The following SCN9A variants were observed in gnomAD, a reference collection of about 807,000 sequenced individuals.
SCN9A encodes sodium channel protein type 9 subunit alpha.
Under a neutral mutation model 187.0 loss-of-function variants are expected in SCN9A, and 131 were observed. The ratio of observed to expected loss-of-function variants is 0.70; its 90% CI spans 0.61 to 0.81. The LOEUF is 0.81. Ranked by LOEUF, SCN9A falls within the 30% of genes least tolerant of loss-of-function variation. SCN9A has a pLI of 0.00. For synonymous variants in SCN9A, 809 were observed against 808.6 expected (o/e 1.00, Z -0.01); for missense variants, 2,252 against 2,396.6 (o/e 0.94, Z 1.26).
At chr2:166,239,780 G>A (rs1036876991) in intron 19 of SCN9A, among the ~76,000 whole-genome samples, 20 of 152,118 alleles carry the variant, frequency 1.3e-4, no homozygotes, top group African/African-American at 4.1e-4. Flanking sequence ...TCTAGAACTG[G>A]TGTACAGGGT....
Position 166,289,837 on chromosome 2 carries a change from T to A in SCN9A, c.1108-1194A>T, listed in dbSNP as rs898121617. On this transcript the variant is annotated intron_variant, in intron 9 of 26. Transcript: ENST00000642356. Reference sequence around the variant, plus strand: ...TCTGACTTTTTAATTATCACCATTCTAACTGGCATGAGATGGTATCTCATT... The same window carrying A: ...TCTGACTTTTTAATTATCACCATTCAAACTGGCATGAGATGGTATCTCATT... Among the ~76,000 whole-genome samples, 3 of 152,330 alleles carry A rather than the reference T, an allele frequency of 2.0e-5. No individual in the cohort carries two copies. In the East Asian group the frequency reaches 5.8e-4, roughly 29 times the overall value.
intron 1 of SCN9A, among the ~76,000 whole-genome samples, chr2:166,348,075 T>G (rs1250292293): frequency 6.6e-6 from 1 of 152,192 alleles, no homozygotes; most frequent in Non-Finnish European, 1.5e-5. Flanking sequence ...CCAGCTTCTC[T>G]GCTAACAATC....
intron 17 of SCN9A, among the ~76,000 whole-genome samples, chr2:166,253,852 C>G (rs892872044): frequency 6.6e-6 from 1 of 151,708 alleles, no homozygotes; most frequent in South Asian, 2.1e-4. Flanking sequence ...CTATTAGACA[C>G]AATATTAACA....
Position 166,277,158 on chromosome 2 carries a change from T to C in SCN9A, c.2699A>G (p.Asn900Ser), listed in dbSNP as rs1352541815. Residue 900 changes from asparagine (N) to serine (S), a missense_variant, in exon 16 of 27, where the codon AAT becomes AGT. By Grantham distance (46) the Asn-to-Ser change is conservative. Around this residue, in one of 7 missense-constraint regions of SCN9A, gnomAD observed 119 missense variants for 188.7 expected, o/e 0.63. Transcript: ENST00000642356. ...KSYKECVCKI[N>S]DDCTLPRWHM... ...CCACCGTGGGAGCGTACAGTCATCA[T>C]TGATCTTGCAGACACATTCTTTGTA... The C allele has an allele frequency of 6.2e-6, 10 of 1,614,084 alleles. No homozygotes were observed. The East Asian group carries it at 8.9e-5, about 14-fold the overall frequency.
At chr2:166,221,872 G>C (rs1181138579) in intron 24 of SCN9A, among the ~76,000 whole-genome samples, 1 of 152,050 alleles carries the variant, frequency 6.6e-6, no homozygotes, top group African/African-American at 2.4e-5. Context: ...CAATAGAAAA[G>C]AGGCCACTCA....
intron 17 of SCN9A, among the ~76,000 whole-genome samples, chr2:166,254,549 A>G (rs1288611735): frequency 3.3e-5 from 5 of 151,470 alleles, no homozygotes; most frequent in African/African-American, 1.2e-4. Flanking sequence ...ATATTTAAGT[A>G]CTTTGAATAT....
At chr2:166,208,340 G>A (rs1693916366) in intron 24 of SCN9A, among the ~76,000 whole-genome samples, 1 of 152,176 alleles carries the variant, frequency 6.6e-6, no homozygotes, top group Non-Finnish European at 1.5e-5. Flanking sequence ...AGTAGTCACT[G>A]CATTTGTGTT....
intron 1 of SCN9A, among the ~76,000 whole-genome samples, chr2:166,354,669 C>G (rs1322937182): frequency 6.6e-6 from 1 of 152,128 alleles, no homozygotes; most frequent in Admixed American, 6.5e-5. Flanking sequence ...CAGATACAAT[C>G]CTAGATGGTT....
chr2:166,348,653 G>A (rs1269440726), intron 1 of SCN9A, among the ~76,000 whole-genome samples: 2 of 151,988 alleles, frequency 1.3e-5, no homozygotes, highest in Non-Finnish European at 2.9e-5. Flanking sequence ...AATAGCTTAT[G>A]GGATTAACCC....
At chr2:166,199,976 T>G (rs1007359080) in intron 26 of SCN9A, 112 bp from the exon 27 acceptor site, 10 of 137,472 alleles carry the variant, frequency 7.3e-5, no homozygotes, top group Middle Eastern at 1.5e-3. Flanking sequence ...TTCAAGACAG[T>G]TTTTTTTTTT....
At chr2:166,295,584 A>G (rs1311265416) in intron 7 of SCN9A, among the ~76,000 whole-genome samples, 3 of 152,200 alleles carry the variant, frequency 2.0e-5, no homozygotes, top group Non-Finnish European at 2.9e-5. Flanking sequence ...GTAAAAAAAT[A>G]CAGTATTATA....
rs1261936592 is a variant in SCN9A at position 166,195,784 on chromosome 2, C to T, written c.*2888G>A. ...CAAACCTGTTTGGGGCATGGTGGCT[C>T]ATGCCTGTAACCCCAGCATGTTGGC... On this transcript the variant is annotated 3_prime_UTR_variant, in exon 27 of 27. Coordinates refer to ENST00000642356, the MANE Select transcript of SCN9A (RefSeq NM_001365536.1). 3.3e-5 allele frequency: 5 copies of T among 152,166 alleles called. No homozygotes were observed. Among genetic ancestry groups the T allele is most frequent in the African/African-American group, 4.8e-5 (2 of 41,456 alleles). The allele number at this position is 152,166 out of a possible 1,614,324, so 9.4% of individuals were successfully genotyped here. A position where few individuals can be genotyped will look rare whatever the true frequency, so the allele number is the denominator to read the frequency against.
intron 24 of SCN9A, among the ~76,000 whole-genome samples, chr2:166,220,069 T>A (rs1237971012): frequency 6.6e-6 from 1 of 152,190 alleles, no homozygotes; most frequent in African/African-American, 2.4e-5. Flanking sequence ...AATGATCATG[T>A]ACTACGACCA....
At chr2:166,365,716 C>T (rs2105322115) in intron 1 of SCN9A, among the ~76,000 whole-genome samples, 1 of 152,276 alleles carries the variant, frequency 6.6e-6, no homozygotes, top group South Asian at 2.1e-4. Flanking sequence ...CTCAAATACC[C>T]TGTATAAAAT....
intron 9 of SCN9A, among the ~76,000 whole-genome samples, chr2:166,290,453 A>G (rs1222285929): frequency 6.6e-6 from 1 of 152,232 alleles, no homozygotes; most frequent in African/African-American, 2.4e-5. Context: ...TTGCTAGGTC[A>G]AATGGTATTT....
At position 166,195,908 on chromosome 2, in the gene SCN9A, C is replaced by G. The variant is rs191401619; in HGVS notation, c.*2764G>C. The G allele has an allele frequency of 6.6e-6, 1 of 152,202 alleles. No homozygotes were observed. The highest frequency in any genetic ancestry group is 2.4e-5 in the African/African-American group (1 of 41,502). 9.4% of individuals were successfully genotyped at this position (152,202 alleles called of 1,614,324 possible). On this transcript the variant is annotated 3_prime_UTR_variant, in exon 27 of 27. Transcript: ENST00000642356. Reference sequence around the variant, plus strand: ...TACAAAAATTTAAATATTAGCCAGGCATGGTGGCATGTACCTGTAGTCTTA... The same window carrying G: ...TACAAAAATTTAAATATTAGCCAGGGATGGTGGCATGTACCTGTAGTCTTA...
intron 1 of SCN9A, among the ~76,000 whole-genome samples, chr2:166,344,639 T>C (rs1233870854): frequency 1.3e-5 from 2 of 152,342 alleles, no homozygotes; most frequent in African/African-American, 2.4e-5. Flanking sequence ...CCTGCTGCTA[T>C]GATTTTTCTC....
intron 3 of SCN9A, 74 bp from the exon 4 acceptor site, chr2:166,306,673 G>T: frequency 9.3e-7 from 1 of 1,076,862 alleles, no homozygotes; most frequent in Non-Finnish European, 1.4e-6. Flanking sequence ...TTGTTGAAAT[G>T]CTTACAACTT....
At chr2:166,344,766 G>T (rs1699862660) in intron 1 of SCN9A, among the ~76,000 whole-genome samples, 1 of 152,072 alleles carries the variant, frequency 6.6e-6, no homozygotes, top group Non-Finnish European at 1.5e-5. Context: ...AAACAATCAA[G>T]ATACCAAACT....
Sources: allele counts gnomAD v4.1 joint callset (sites outside exome capture counted in the v4.1 genomes callset), GRCh38; gene constraint gnomAD v4.1.1; regional missense constraint gnomAD v4.1.1; transcripts MANE v1.5; gene names NCBI Gene and HGNC (gene_info 2026-07-23, HGNC 2026-07-21).